Variants in AKAP1 observed in about 807,000 individuals in gnomAD.
AKAP1 encodes A-kinase anchoring protein 1, also known as A-kinase anchor protein 1, mitochondrial.
A neutral mutation model predicts 79.8 loss-of-function variants in AKAP1; 32 were observed. That is an observed-to-expected ratio of 0.40 (90% CI 0.30 to 0.54). AKAP1 has a LOEUF of 0.54. Ranked by LOEUF, AKAP1 falls within the 20% of genes least tolerant of loss-of-function variation. The pLI, the probability that AKAP1 is intolerant of heterozygous loss-of-function variation, is 0.47. For missense variants in AKAP1, 961 were observed against 1,138.9 expected (o/e 0.84, Z 2.25); for synonymous variants, 416 against 466.7 (o/e 0.89, Z 1.40).
chr17:57,108,369 G>A (rs1182087432), intron 2 of AKAP1, among the ~76,000 whole-genome samples: 13 of 152,150 alleles, frequency 8.5e-5, no homozygotes, highest in African/African-American at 2.4e-5. Context: ...TCCTAATCTC[G>A]GGATGTTTAA....
chr17:57,117,131 C>T (rs1915636516), intron 8 of AKAP1, among the ~76,000 whole-genome samples: 1 of 152,240 alleles, frequency 6.6e-6, no homozygotes, highest in Non-Finnish European at 1.5e-5. Context: ...GCTGCTGATC[C>T]TTTGAGATCC....
rs61731972 is a variant in AKAP1 at position 57,116,127 on chromosome 17, C to T, written c.2298C>T (p.Ala766=). Residue 766 remains alanine (A), a synonymous_variant, in exon 7 of 11, where the codon GCC becomes GCT. Transcript: ENST00000337714. ...PTPVEITVIC[A]APGADGAWWR... is the part of the protein sequence containing the mutation. ...ACCCTGCAGTAACGGTCATCTGTGCCGCCCCTGGTGCGGACGGGGCCTGGT... is the reference window on the plus strand; with the variant it reads ...ACCCTGCAGTAACGGTCATCTGTGCTGCCCCTGGTGCGGACGGGGCCTGGT... The T allele has an allele frequency of 5.8e-4, 936 of 1,613,436 alleles. 11 individuals carry two copies. In the South Asian group the frequency reaches 9.5e-3, roughly 16 times the overall value.
chr17:57,102,761 C>T (rs1275192782), intron 1 of AKAP1, among the ~76,000 whole-genome samples: 3 of 152,118 alleles, frequency 2.0e-5, no homozygotes, highest in Non-Finnish European at 2.9e-5. Context: ...TGTGAGCCAC[C>T]GCACCCAGCC....
chr17:57,117,073 T>C, intron 8 of AKAP1, 146 bp downstream of exon 8: 1 of 837,234 alleles, frequency 1.2e-6, no homozygotes, highest in Non-Finnish European at 2.0e-6. Context: ...AGGTCTGGGC[T>C]TAGGCCCAGG....
At chr17:57,112,988 A>G (rs924313539) in intron 5 of AKAP1, among the ~76,000 whole-genome samples, 9 of 152,098 alleles carry the variant, frequency 5.9e-5, no homozygotes, top group Non-Finnish European at 8.8e-5. Flanking sequence ...GTGGGACTAG[A>G]ATCATGGGTT....
At chr17:57,088,912 C>T (rs540824521) in intron 1 of AKAP1, among the ~76,000 whole-genome samples, 8 of 152,204 alleles carry the variant, frequency 5.3e-5, no homozygotes, top group Admixed American at 3.3e-4. Flanking sequence ...TTGTGTTCAC[C>T]GAGCCAGGTG....
intron 10 of AKAP1, among the ~76,000 whole-genome samples, chr17:57,119,655 C>T (rs1414039805): frequency 6.6e-6 from 1 of 151,712 alleles, no homozygotes; most frequent in Non-Finnish European, 1.5e-5. Context: ...ACGGAGGTTG[C>T]AGTGAACCAA....
Position 57,114,473 on chromosome 17 carries a change from T to C in AKAP1, c.2118T>C (p.Asp706=). 1.2e-6 allele frequency: 2 copies of C among 1,614,112 alleles called. No individual in the cohort carries two copies. Among genetic ancestry groups the C allele is most frequent in the Non-Finnish European group, 1.7e-6 (2 of 1,180,024 alleles). Residue 706 remains aspartate (D), a synonymous_variant, in exon 6 of 11, where the codon GAT becomes GAC. Coordinates refer to ENST00000337714, the MANE Select transcript of AKAP1 (RefSeq NM_003488.4). ...CCCCTCTACAGCTCATGCTGCCTGA[T>C]GGCATCACCGTGGAGGTCATTGTGG... ...LPMTSWLMLP[D]GITVEVIVVN...
At chr17:57,085,612 CT>C (rs1913394022) in intron 1 of AKAP1, 1 of 152,552 alleles carries the variant, frequency 6.6e-6, no homozygotes, top group Admixed American at 6.5e-5. Context: ...TCTGCGCCCC[CT>C]CTCGTCCTTC....
In AKAP1 at chr17:57,086,989, G is replaced by A. The variant is rs1474414529; in HGVS notation, c.-25+1591G>A. On this transcript the variant is annotated intron_variant, in intron 1 of 10. Transcript: ENST00000337714. This position sits in a 1 kb window ranked among gnomAD's most constrained non-coding sequence, Gnocchi z 5.1. ...TTATTTAAGACCCTGAGCACTGGAA[G>A]CAAGTGAAGTTATGTTTTGGGAACC... Among the ~76,000 whole-genome samples the A allele has an allele frequency of 2.0e-5, 3 of 152,204 alleles. No individual in the cohort carries two copies. The highest frequency in any genetic ancestry group is 4.4e-5 in the Non-Finnish European group (3 of 68,036).
At position 57,110,053 on chromosome 17, in the gene AKAP1, G is replaced by A; in HGVS notation, c.1743G>A (p.Val581=). ...GGSDRNSMDS[V]DSCCSLKKTE... ...CTGACAGGAACAGCATGGATTCCGT[G>A]GATAGCTGTTGCAGTCTCAAGAAGA... The change falls in exon 3 of 11, where the codon GTG becomes GTA. Residue 581 remains valine, a synonymous_variant. Coordinates refer to ENST00000337714, the MANE Select transcript of AKAP1 (RefSeq NM_003488.4). 3 of 1,614,096 alleles carry A rather than the reference G, an allele frequency of 1.9e-6. No individual in the cohort carries two copies. Among genetic ancestry groups the A allele is most frequent in the Non-Finnish European group, 2.5e-6 (3 of 1,179,994 alleles).
At chr17:57,116,384 T>G in intron 7 of AKAP1, 123 bp downstream of exon 7, 1 of 1,295,242 alleles carries the variant, frequency 7.7e-7, no homozygotes, top group African/African-American at 1.5e-5. Flanking sequence ...TGCTGCCTAC[T>G]GTGTTTTAGC....
intron 2 of AKAP1, 48 bp from the exon 3 acceptor site, chr17:57,109,977 C>A: frequency 6.3e-7 from 1 of 1,595,364 alleles, no homozygotes; most frequent in South Asian, 1.1e-5. Context: ...ACTGGCTGCT[C>A]TGAGTGGGGT....
intron 1 of AKAP1, among the ~76,000 whole-genome samples, chr17:57,089,579 A>G (rs948800834): frequency 1.3e-5 from 2 of 152,216 alleles, no homozygotes; most frequent in African/African-American, 4.8e-5. Context: ...ATAATCGAAG[A>G]AAGTTTTGTT....
intron 2 of AKAP1, among the ~76,000 whole-genome samples, chr17:57,107,720 A>T (rs1914985613): frequency 6.6e-6 from 1 of 151,406 alleles, no homozygotes. Context: ...CCTTAGCTTT[A>T]CTTCCCTTGA....
In AKAP1 at chr17:57,112,630, A is replaced by C. The variant is rs1408711565; in HGVS notation, c.2103+12A>C. 6.3e-7 allele frequency: 1 copy of C among 1,599,278 alleles called. No homozygotes were observed. The highest frequency in any genetic ancestry group is 8.5e-7 in the Non-Finnish European group (1 of 1,173,192). On this transcript the variant is annotated intron_variant, in intron 5 of 10. Coordinates refer to ENST00000337714, the MANE Select transcript of AKAP1 (RefSeq NM_003488.4). Reference sequence around the variant, plus strand: ...CGATGACATCCTGGGTGAGCGTGCTACTGGGTGATCCGGACTTCTTGCCAC... The same window carrying C: ...CGATGACATCCTGGGTGAGCGTGCTCCTGGGTGATCCGGACTTCTTGCCAC...
Position 57,086,102 on chromosome 17 carries a change from G to T in AKAP1, c.-25+704G>T. On this transcript the variant is annotated intron_variant, in intron 1 of 10. Transcript: ENST00000337714. The surrounding 1 kb of genome is among the most constrained non-coding windows in gnomAD (Gnocchi z 5.1). ...CGGAGGCTCAGGGGCGTCTCGGGGGGAATTTGCATTCGTAGCCCCTGCAGG... is the reference window on the plus strand; with the variant it reads ...CGGAGGCTCAGGGGCGTCTCGGGGGTAATTTGCATTCGTAGCCCCTGCAGG... 3.9e-6 allele frequency: 1 copy of T among 253,522 alleles called. No individual in the cohort carries two copies. Among genetic ancestry groups the T allele is most frequent in the Non-Finnish European group, 7.9e-6 (1 of 126,210 alleles). 15.7% of individuals were successfully genotyped at this position (253,522 alleles called of 1,614,324 possible). A position where few individuals can be genotyped will look rare whatever the true frequency, so the allele number is the denominator to read the frequency against.
chr17:57,105,560 T>A lies in AKAP1; in HGVS notation c.96T>A (p.His32Gln). The A allele has an allele frequency of 6.2e-7, 1 of 1,614,064 alleles. No homozygotes were observed. Among genetic ancestry groups the A allele is most frequent in the Non-Finnish European group, 8.5e-7 (1 of 1,180,014 alleles). The change falls in exon 2 of 11, where the codon CAT becomes CAA. Residue 32 changes from histidine to glutamine, a missense_variant. Physicochemically the swap from His to Gln is conservative, Grantham distance 24. Transcript: ENST00000337714. ...GGTTTTTCTCTCGTAAAAAAGGCCA[T>A]GTCAGCAGCCATGATGAGCAGCAGG... ...WWWFFSRKKG[H>Q]VSSHDEQQVE...
At chr17:57,118,699 A>G (rs951834362) in intron 9 of AKAP1, among the ~76,000 whole-genome samples, 2 of 152,230 alleles carry the variant, frequency 1.3e-5, no homozygotes, top group African/African-American at 2.4e-5. Flanking sequence ...GGGAGACCTC[A>G]GGAAACTTAC....
Sources: gnomAD v4.1 joint callset for allele counts (sites outside exome capture counted in the v4.1 genomes callset) on GRCh38, gnomAD v4.1.1 for gene constraint, Gnocchi (gnomAD v3.1) non-coding constraint, MANE v1.5 for transcripts, NCBI Gene and HGNC (gene_info 2026-07-23, HGNC 2026-07-21) for gene names.